The following MEP1A variants were observed in gnomAD, a reference collection of about 807,000 sequenced individuals.
MEP1A encodes the protein meprin A subunit alpha.
In MEP1A, 68 loss-of-function variants were observed where a neutral mutation model predicts 84.5. That is an observed-to-expected ratio of 0.80 (90% CI 0.66 to 0.98). The LOEUF is 0.98. Among genes scored for constraint, MEP1A ranks in the 50% least tolerant of loss-of-function variants. MEP1A has a pLI of 0.00. For synonymous variants in MEP1A, 337 were observed against 336.8 expected, an observed-to-expected ratio of 1.00 and a Z score of -0.01; for missense variants, 887 against 919.9, an observed-to-expected ratio of 0.96 and a Z score of 0.46.
chr6:46,812,847 A>C (rs192388489), intron 6 of MEP1A, among the ~76,000 whole-genome samples: 5 of 151,668 alleles, frequency 3.3e-5, no homozygotes. Context: ...TATAATTTTG[A>C]TTTTCTTATA....
intron 7 of MEP1A, among the ~76,000 whole-genome samples, chr6:46,823,056 C>T (rs1019520653): frequency 1.3e-5 from 2 of 152,104 alleles, no homozygotes; most frequent in African/African-American, 4.8e-5. Flanking sequence ...TAGACTTGTC[C>T]CACCTTCAAA....
In MEP1A at chr6:46,838,943, G is replaced by A. The variant is rs752570254; in HGVS notation, c.2085-37G>A. 4 of 1,583,368 alleles carry A rather than the reference G, an allele frequency of 2.5e-6. 1 individual carries two copies. The South Asian group carries it at 4.5e-5, about 18-fold the overall frequency. On this transcript the variant is annotated intron_variant, in intron 13 of 13. Coordinates refer to ENST00000230588, the MANE Select transcript of MEP1A (RefSeq NM_005588.3). The stretch of plus-strand genomic sequence containing the variant: ...TTGCTAGGAGGCACCTGAGGCCTGG[G>A]TAGTTCCCACACTCCCTTCATGTCC...
chr6:46,805,227 T>C (rs1255652108), intron 5 of MEP1A, among the ~76,000 whole-genome samples: 1 of 151,912 alleles, frequency 6.6e-6, no homozygotes, highest in African/African-American at 2.4e-5. Context: ...GGTTTAGTGT[T>C]AGACCTCTTT....
At chr6:46,836,620 TC>T (rs1768223068) in intron 13 of MEP1A, among the ~76,000 whole-genome samples, 1 of 152,182 alleles carries the variant, frequency 6.6e-6, no homozygotes. Flanking sequence ...CTTATTCAGC[TC>T]TTCCCAGTTT....
intron 6 of MEP1A, among the ~76,000 whole-genome samples, chr6:46,814,143 G>T (rs138156015): frequency 3.3e-5 from 5 of 152,072 alleles, no homozygotes; most frequent in African/African-American, 4.8e-5. Context: ...CCTCAAATAC[G>T]TTTTCCAAAT....
chr6:46,815,767 A>C (rs1767620694), intron 6 of MEP1A, among the ~76,000 whole-genome samples: 1 of 152,090 alleles, frequency 6.6e-6, no homozygotes, highest in African/African-American at 2.4e-5. Context: ...TTTGATAATG[A>C]TGGATGGATA....
At chr6:46,844,842 G>A in the MEP1A span, among the ~76,000 whole-genome samples, 1 of 152,186 alleles carries the variant, frequency 6.6e-6, no homozygotes, top group South Asian at 2.1e-4. Context: ...ATCTCATCTT[G>A]AATTGTAATC....
chr6:46,799,265 T>A, intron 5 of MEP1A, 84 bp downstream of exon 5: 2 of 880,860 alleles, frequency 2.3e-6, no homozygotes, highest in East Asian at 2.4e-5. Context: ...ACATTGGGAG[T>A]AACCACCACG....
chr6:46,822,392 C>T (rs1767800821), intron 7 of MEP1A, among the ~76,000 whole-genome samples: 1 of 152,124 alleles, frequency 6.6e-6, no homozygotes, highest in Non-Finnish European at 1.5e-5. Flanking sequence ...GTTGGGGGCA[C>T]TACCAACCTA....
At chr6:46,824,905 A>T (rs1188887898) in intron 7 of MEP1A, among the ~76,000 whole-genome samples, 2 of 122,524 alleles carry the variant, frequency 1.6e-5, no homozygotes, top group Non-Finnish European at 3.2e-5. Flanking sequence ...ATATATATAA[A>T]TTATATATTT....
chr6:46,803,342 A>G (rs996905410), intron 5 of MEP1A, among the ~76,000 whole-genome samples: 2 of 151,650 alleles, frequency 1.3e-5, no homozygotes, highest in Non-Finnish European at 3.0e-5. Flanking sequence ...AAAGCATTTG[A>G]CAAAATTCAA....
rs1165240837 is a variant in MEP1A at position 46,799,110 on chromosome 6, C to T, written c.191C>T (p.Ser64Phe). 1.2e-6 allele frequency: 2 copies of T among 1,611,610 alleles called. No homozygotes were observed. The highest frequency in any genetic ancestry group is 1.1e-5 in the South Asian group (1 of 91,032). Residue 64 changes from serine to phenylalanine, a missense_variant, in exon 5 of 14, where the codon TCC becomes TTC. Physicochemically the swap from Ser to Phe is radical, Grantham distance 155. Coordinates refer to ENST00000230588, the MANE Select transcript of MEP1A (RefSeq NM_005588.3). ...LFQGDILLQK[S>F]RNGLRDPNTR... Reference sequence around the variant, plus strand: ...CCTTTACCTTTGTTTTCACAGAAATCCAGAAATGGCCTGAGAGACCCAAAC... The same window carrying T: ...CCTTTACCTTTGTTTTCACAGAAATTCAGAAATGGCCTGAGAGACCCAAAC...
At position 46,839,764 on chromosome 6, in the gene MEP1A, A is replaced by G. The variant is rs1768300727; in HGVS notation, c.*628A>G. ...GAGAAGGCCTTTAATAAATTTAATA[A>G]ATATTGAGTTAGCACCTTCTTTGTA... On this transcript the variant is annotated 3_prime_UTR_variant, in exon 14 of 14. Coordinates refer to ENST00000230588, the MANE Select transcript of MEP1A (RefSeq NM_005588.3). The G allele has an allele frequency of 6.6e-6, 1 of 152,148 alleles. No individual in the cohort carries two copies. Among genetic ancestry groups the G allele is most frequent in the African/African-American group, 2.4e-5 (1 of 41,432 alleles). 9.4% of individuals were successfully genotyped at this position (152,148 alleles called of 1,614,324 possible).
intron 5 of MEP1A, among the ~76,000 whole-genome samples, chr6:46,803,083 T>A (rs566844670): frequency 4.6e-5 from 7 of 151,764 alleles, no homozygotes; most frequent in African/African-American, 9.6e-5. Flanking sequence ...TTGTGTATGA[T>A]CAAAATTTTT....
At chr6:46,829,270 T>A in intron 9 of MEP1A, 86 bp from the exon 10 acceptor site, 1 of 1,057,822 alleles carries the variant, frequency 9.5e-7, no homozygotes, top group Non-Finnish European at 1.5e-6. Flanking sequence ...ACAATGGCTG[T>A]GGTTCACTAT....
chr6:46,807,512 T>TAAAGAAA, intron 5 of MEP1A, among the ~76,000 whole-genome samples: 1 of 49,590 alleles, frequency 2.0e-5, no homozygotes, highest in South Asian at 6.5e-4. Context: ...CCATCTGAAA[T>TAAAGAAA]AAAGAAAGAA....
At chr6:46,822,657 C>T (rs561524385) in intron 7 of MEP1A, among the ~76,000 whole-genome samples, 2 of 152,090 alleles carry the variant, frequency 1.3e-5, no homozygotes, top group Non-Finnish European at 2.9e-5. Flanking sequence ...GATTCTCATG[C>T]CTCAGCCTCC....
chr6:46,835,355 G>A lies in MEP1A; in HGVS notation c.1890G>A (p.Ser630=), dbSNP rs147559256. ...GQEQQVSEEG[S]GKAMLEEALP... is the part of the protein sequence containing the mutation. ...AGCAGCAGGTCTCCGAAGAAGGTTCGGGAAAGGCCATGTTAGAGGAAGCCC... is the reference window on the plus strand; with the variant it reads ...AGCAGCAGGTCTCCGAAGAAGGTTCAGGAAAGGCCATGTTAGAGGAAGCCC... The change falls in exon 13 of 14, where the codon TCG becomes TCA. Residue 630 remains serine, a synonymous_variant. Coordinates refer to ENST00000230588, the MANE Select transcript of MEP1A (RefSeq NM_005588.3). 212 of 1,611,270 alleles carry A rather than the reference G, an allele frequency of 1.3e-4. 1 individual carries two copies. In the South Asian group the frequency reaches 1.6e-3, roughly 12 times the overall value.
intron 3 of MEP1A, among the ~76,000 whole-genome samples, chr6:46,796,234 C>T (rs1767049397): frequency 6.6e-6 from 1 of 152,036 alleles, no homozygotes; most frequent in South Asian, 2.1e-4. Flanking sequence ...ACCAAGCCTT[C>T]CAAGGGACTC....
Sources: gnomAD v4.1 joint callset for allele counts (sites outside exome capture counted in the v4.1 genomes callset) on GRCh38, gnomAD v4.1.1 for gene constraint, MANE v1.5 for transcripts, NCBI Gene and HGNC (gene_info 2026-07-23, HGNC 2026-07-21) for gene names.